Variants in PLCL1 observed in about 807,000 individuals in gnomAD.
The protein encoded by PLCL1 is phospholipase C like 1 (inactive).
In PLCL1, 41 loss-of-function variants were observed where a neutral mutation model predicts 84.4. The ratio of observed to expected loss-of-function variants is 0.49; its 90% confidence interval spans 0.38 to 0.63. The LOEUF (loss-of-function observed/expected upper bound fraction) is 0.63. PLCL1 is among the 30% of genes least tolerant of loss of function. The pLI is 0.00. For missense variants in PLCL1, 1,206 were observed against 1,367.8 expected, an observed-to-expected ratio of 0.88 and a Z score of 1.87; for synonymous variants, 490 against 488.3, an observed-to-expected ratio of 1.00 and a Z score of -0.05.
intron 1 of PLCL1, among the ~76,000 whole-genome samples, chr2:197,816,903 C>A (rs756914895): frequency 3.9e-5 from 6 of 152,010 alleles, no homozygotes; most frequent in Non-Finnish European, 8.8e-5. Flanking sequence ...GTAGAAATTG[C>A]AAAGTCAATA....
intron 1 of PLCL1, among the ~76,000 whole-genome samples, chr2:197,850,075 C>CACACACACACACACAA (rs1687204341): frequency 6.8e-6 from 1 of 146,636 alleles, no homozygotes; most frequent in African/African-American, 2.6e-5. Flanking sequence ...CACACACACA[C>CACACACACACACACAA]ACACGACTGC....
At chr2:198,021,083 G>T (rs1237394582) in intron 1 of PLCL1, among the ~76,000 whole-genome samples, 2 of 152,150 alleles carry the variant, frequency 1.3e-5, no homozygotes, top group African/African-American at 2.4e-5. Context: ...TAGAATTCAG[G>T]ATTCAGAAAC....
At chr2:198,051,304 G>A (rs1322802214) in intron 1 of PLCL1, among the ~76,000 whole-genome samples, 1 of 152,076 alleles carries the variant, frequency 6.6e-6, no homozygotes, top group Middle Eastern at 3.2e-3. Flanking sequence ...TAGGTTAATA[G>A]AACATTCGTA....
At chr2:198,077,467 G>A (rs894767160) in intron 1 of PLCL1, among the ~76,000 whole-genome samples, 4 of 152,024 alleles carry the variant, frequency 2.6e-5, no homozygotes, top group Non-Finnish European at 4.4e-5. Context: ...TTTCCTTTTA[G>A]TCTTGGCTTC....
intron 5 of PLCL1, among the ~76,000 whole-genome samples, chr2:198,111,602 G>T (rs1241352303): frequency 2.0e-5 from 3 of 151,788 alleles, no homozygotes; most frequent in Non-Finnish European, 4.4e-5. Flanking sequence ...CAATAATCAA[G>T]TGATTTTTAC....
intron 1 of PLCL1, among the ~76,000 whole-genome samples, chr2:197,859,242 T>C (rs1404591874): frequency 6.6e-6 from 1 of 152,126 alleles, no homozygotes; most frequent in Admixed American, 6.6e-5. Context: ...CTACCTTGCT[T>C]CTTATTTCTG....
chr2:198,030,511 CT>C (rs1390646514), intron 1 of PLCL1, among the ~76,000 whole-genome samples: 1 of 152,150 alleles, frequency 6.6e-6, no homozygotes, highest in Non-Finnish European at 1.5e-5. Flanking sequence ...GAGCCTTCCC[CT>C]CTTTGAAGGC....
intron 1 of PLCL1, among the ~76,000 whole-genome samples, chr2:197,818,706 G>A (rs1264796309): frequency 1.3e-5 from 2 of 152,024 alleles, no homozygotes; most frequent in African/African-American, 4.8e-5. Flanking sequence ...ACTGGTAATG[G>A]TGGCGGCATT....
rs535092958 is a variant in PLCL1, at chr2:198,145,854, G to A, written c.3106-926G>A. Among the ~76,000 whole-genome samples, 6 of 152,134 alleles carry A rather than the reference G, an allele frequency of 3.9e-5. No individual in the cohort carries two copies. In the South Asian group the frequency reaches 1.0e-3, roughly 26 times the overall value. ...TTTGTAGAATAATGCTCCAGCAATC[G>A]TCATAACCCCATATCCACCCATATT... On this transcript the variant is annotated intron_variant, in intron 5 of 5. Coordinates refer to ENST00000428675, the MANE Select transcript of PLCL1 (RefSeq NM_006226.4).
At chr2:197,823,670 C>T (rs960318348) in intron 1 of PLCL1, among the ~76,000 whole-genome samples, 3 of 152,080 alleles carry the variant, frequency 2.0e-5, no homozygotes, top group Non-Finnish European at 4.4e-5. Flanking sequence ...TTGTGATGGT[C>T]ATCTTTCTGG....
chr2:197,918,662 C>G (rs546669722), intron 1 of PLCL1, among the ~76,000 whole-genome samples: 1 of 152,208 alleles, frequency 6.6e-6, no homozygotes, highest in African/African-American at 2.4e-5. Flanking sequence ...TGGCTCATGC[C>G]TGTAATCCCA....
chr2:197,808,420 G>A (rs1440152843), intron 1 of PLCL1, among the ~76,000 whole-genome samples: 1 of 151,976 alleles, frequency 6.6e-6, no homozygotes, highest in Admixed American at 6.6e-5. Context: ...CAAACTTATA[G>A]CATTTAAAAT....
chr2:197,824,420 C>G (rs898703701), intron 1 of PLCL1, among the ~76,000 whole-genome samples: 1 of 151,316 alleles, frequency 6.6e-6, no homozygotes, highest in Non-Finnish European at 1.5e-5. Flanking sequence ...ATATGCAAAA[C>G]GTGAATGAAA....
intron 1 of PLCL1, among the ~76,000 whole-genome samples, chr2:198,068,646 T>A (rs997700518): frequency 2.6e-5 from 4 of 152,238 alleles, no homozygotes; most frequent in Non-Finnish European, 5.9e-5. Context: ...GTGTGTTAAA[T>A]ATCTTTGTGT....
intron 1 of PLCL1, among the ~76,000 whole-genome samples, chr2:197,844,179 T>C (rs144225647): frequency 2.8e-4 from 43 of 152,278 alleles, no homozygotes; most frequent in African/African-American, 1.0e-3. Flanking sequence ...GATAATTTGA[T>C]GGATTTTCAA....
At chr2:198,064,935 G>A (rs1475778138) in intron 1 of PLCL1, among the ~76,000 whole-genome samples, 1 of 152,140 alleles carries the variant, frequency 6.6e-6, no homozygotes, top group Non-Finnish European at 1.5e-5. Flanking sequence ...AGCTTGTGGA[G>A]ACAGAAAATT....
At chr2:197,853,646 G>A (rs1687280580) in intron 1 of PLCL1, among the ~76,000 whole-genome samples, 1 of 152,086 alleles carries the variant, frequency 6.6e-6, no homozygotes, top group Non-Finnish European at 1.5e-5. Context: ...CACTGCCTCT[G>A]CTCTTGCTGT....
At chr2:197,869,305 A>C (rs1244985761) in intron 1 of PLCL1, among the ~76,000 whole-genome samples, 2 of 152,154 alleles carry the variant, frequency 1.3e-5, no homozygotes, top group African/African-American at 4.8e-5. Context: ...TATTATTTTA[A>C]GAGCAATACA....
chr2:197,808,380 A>T (rs1341001938), intron 1 of PLCL1, among the ~76,000 whole-genome samples: 1 of 152,222 alleles, frequency 6.6e-6, no homozygotes, highest in Non-Finnish European at 1.5e-5. Flanking sequence ...ATTAAGAAAT[A>T]AGACCATTTA....
Sources: allele counts gnomAD v4.1 joint callset (sites outside exome capture counted in the v4.1 genomes callset), GRCh38; gene constraint gnomAD v4.1.1; transcripts MANE v1.5; gene names NCBI Gene and HGNC (gene_info 2026-07-23, HGNC 2026-07-21).